RIMS1: variants seen among roughly 807,000 people sequenced by gnomAD.
RIMS1 encodes regulating synaptic membrane exocytosis 1, also known as regulating synaptic membrane exocytosis protein 1.
RIMS1 carries 83 observed loss-of-function variants against 214.1 expected under a neutral mutation model. The ratio of observed to expected loss-of-function variants is 0.39; its 90% confidence interval spans 0.32 to 0.47. The LOEUF is 0.47. RIMS1 is among the 20% of genes least tolerant of loss of function. RIMS1 has a pLI of 0.99. For synonymous variants in RIMS1, 793 were observed against 786.8 expected, an observed-to-expected ratio of 1.01 and a Z score of -0.13; for missense variants, 2,050 against 2,161.8, an observed-to-expected ratio of 0.95 and a Z score of 1.03.
intron 8 of RIMS1, among the ~76,000 whole-genome samples, chr6:72,236,247 GA>G (rs2154094433): frequency 6.6e-6 from 1 of 152,092 alleles, no homozygotes; most frequent in East Asian, 1.9e-4. Context: ...CTTAAACATA[GA>G]TTTTAAAATA....
intron 1 of RIMS1, among the ~76,000 whole-genome samples, chr6:71,932,292 C>A (rs201055126): frequency 1.3e-4 from 20 of 151,992 alleles, no homozygotes; most frequent in South Asian, 6.2e-4. Context: ...TACCATGCAG[C>A]CATAAAAAAG....
intron 1 of RIMS1, among the ~76,000 whole-genome samples, chr6:71,888,117 G>A (rs1768406640): frequency 6.6e-6 from 1 of 152,216 alleles, no homozygotes; most frequent in Non-Finnish European, 1.5e-5. Flanking sequence ...TGGTGCAGGA[G>A]TGTGTGACAC....
chr6:72,340,267 G>T (rs1198172076), intron 29 of RIMS1, among the ~76,000 whole-genome samples: 1 of 151,852 alleles, frequency 6.6e-6, no homozygotes, highest in African/African-American at 2.4e-5. Context: ...TTCTTTTGCT[G>T]TGCAGAAGCT....
At position 72,182,775 on chromosome 6, in the gene RIMS1, A is replaced by G. The variant is rs748019898; in HGVS notation, c.1304A>G (p.Glu435Gly). The G allele has an allele frequency of 2.6e-6, 4 of 1,545,256 alleles. No individual in the cohort carries two copies. Among genetic ancestry groups the G allele is most frequent in the East Asian group, 2.4e-5 (1 of 41,078 alleles). The change falls in exon 6 of 34, where the codon GAG (glutamate) becomes GGG (glycine). Residue 435 changes from glutamate (E) to glycine (G), a missense_variant. Physicochemically the swap from Glu to Gly is moderately conservative, Grantham distance 98. Transcript: ENST00000521978. Reference sequence around the variant, plus strand: ...GCTTACTCGGCTGAGAGAACTGCGGAGACCAGGGCGCCGGGCGCCAAGCAG... The same window carrying G: ...GCTTACTCGGCTGAGAGAACTGCGGGGACCAGGGCGCCGGGCGCCAAGCAG... ...PRAYSAERTA[E>G]TRAPGAKQLT...
chr6:72,138,506 T>C (rs2041661452), intron 4 of RIMS1, among the ~76,000 whole-genome samples: 1 of 152,182 alleles, frequency 6.6e-6, no homozygotes, highest in African/African-American at 2.4e-5. Context: ...ATTTTATATA[T>C]GTGTAAAAAT....
chr6:72,290,664 G>T lies in RIMS1; in HGVS notation c.3555-15G>T. 6.2e-7 allele frequency: 1 copy of T among 1,605,836 alleles called. No individual in the cohort carries two copies. Among genetic ancestry groups the T allele is most frequent in the Non-Finnish European group, 8.5e-7 (1 of 1,175,912 alleles). ...ACCTGCTGACTGAAGATCTTTTTTG[G>T]CCCTAATGTTTTAGGGTTCTCCCAA... On this transcript the variant is annotated splice_polypyrimidine_tract_variant and intron_variant, in intron 24 of 33. Coordinates refer to ENST00000521978, the MANE Select transcript of RIMS1 (RefSeq NM_014989.7).
rs115905709 is a variant in RIMS1 at position 72,328,713 on chromosome 6, G to A, written c.4131-4887G>A. Among the ~76,000 whole-genome samples, 1,022 of 151,678 alleles carry A rather than the reference G, an allele frequency of 6.7e-3. 9 individuals carry two copies. The highest frequency in any genetic ancestry group is 0.022 in the African/African-American group (905 of 41,434). On this transcript the variant is annotated intron_variant, in intron 28 of 33. Coordinates refer to ENST00000521978, the MANE Select transcript of RIMS1 (RefSeq NM_014989.7). ...ACACAGCTATAGGGTTAAAATTAAC[G>A]TAGTAATCTAAGCCTATATTTTAAA...
intron 2 of RIMS1, among the ~76,000 whole-genome samples, chr6:71,978,619 C>A (rs905010043): frequency 3.9e-5 from 6 of 151,996 alleles, no homozygotes; most frequent in Non-Finnish European, 7.4e-5. Flanking sequence ...ATCTTTTAGT[C>A]ATATATTTTA....
At position 72,292,009 on chromosome 6, in the gene RIMS1, C is replaced by A. The variant is rs1474107658; in HGVS notation, c.3813C>A (p.Leu1271=). The A allele has an allele frequency of 4.5e-6, 7 of 1,560,432 alleles. No homozygotes were observed. The highest frequency in any genetic ancestry group is 6.1e-6 in the Non-Finnish European group (7 of 1,152,260). Residue 1271 remains leucine, a synonymous_variant, in exon 26 of 34, where the codon CTC becomes CTA. Coordinates refer to ENST00000521978, the MANE Select transcript of RIMS1 (RefSeq NM_014989.7). ...TSFSSRRGRQ[L]PQVPVRSGSI... Reference sequence around the variant, plus strand: ...TCAGCAGTCGCAGGGGAAGACAGCTCCCACAAGTGCCAGTGAGAAGCGGCA... The same window carrying A: ...TCAGCAGTCGCAGGGGAAGACAGCTACCACAAGTGCCAGTGAGAAGCGGCA...
rs1056510492 is a variant in RIMS1, at chr6:72,182,736, C to T, written c.1265C>T (p.Pro422Leu). 8 of 1,538,588 alleles carry T rather than the reference C, an allele frequency of 5.2e-6. No individual in the cohort carries two copies. In the African/African-American group the frequency reaches 5.5e-5, roughly 11 times the overall value. Reference sequence around the variant, plus strand: ...CCGGCGGCAGCCAGGGCCTCGCCGCCGGACTCGCCGCGGGCTTACTCGGCT... The same window carrying T: ...CCGGCGGCAGCCAGGGCCTCGCCGCTGGACTCGCCGCGGGCTTACTCGGCT... ...RAPAAARASP[P>L]DSPRAYSAER... is the part of the protein sequence containing the mutation. The change falls in exon 6 of 34, where the codon CCG becomes CTG. Residue 422 changes from proline to leucine, a missense_variant. Physicochemically the swap from Pro to Leu is moderately conservative, Grantham distance 98. Transcript: ENST00000521978.
At chr6:72,101,068 A>G (rs2033450506) in intron 4 of RIMS1, among the ~76,000 whole-genome samples, 1 of 151,994 alleles carries the variant, frequency 6.6e-6, no homozygotes, top group Non-Finnish European at 1.5e-5. Flanking sequence ...TTCACAGTTG[A>G]AACGTGGGTA....
chr6:72,357,710 C>T (rs1338161727), intron 29 of RIMS1, among the ~76,000 whole-genome samples: 1 of 152,140 alleles, frequency 6.6e-6, no homozygotes, highest in African/African-American at 2.4e-5. Context: ...TCCTTCTTTA[C>T]TTGATTTTTA....
chr6:71,969,002 G>C lies in RIMS1; in HGVS notation c.184G>C (p.Ala62Pro). 1 of 1,613,996 alleles carries C rather than the reference G, an allele frequency of 6.2e-7. No homozygotes were observed. Among genetic ancestry groups the C allele is most frequent in the Non-Finnish European group, 8.5e-7 (1 of 1,179,872 alleles). ...CCCCAGGTGTGTTGTCAGGGACATG[G>C]CGAAGCCTGCTGCCTGCAAAACACC... ...AMLKCVVRDM[A>P]KPAACKTPRN... Residue 62 changes from alanine to proline, a missense_variant, in exon 2 of 34, where the codon GCG becomes CCG. Ala to Pro is a conservative substitution (Grantham distance 27). Around this residue, in one of 6 missense-constraint regions of RIMS1, gnomAD observed 882 missense variants for 828.9 expected, o/e 1.06. Coordinates refer to ENST00000521978, the MANE Select transcript of RIMS1 (RefSeq NM_014989.7).
chr6:72,092,744 T>G (rs568088468), intron 2 of RIMS1, among the ~76,000 whole-genome samples: 1 of 152,076 alleles, frequency 6.6e-6, no homozygotes, highest in Non-Finnish European at 1.5e-5. Flanking sequence ...CCCAGGCCAC[T>G]TAGGTATGTC....
At chr6:72,315,773 G>A (rs1044795571) in intron 28 of RIMS1, among the ~76,000 whole-genome samples, 1 of 152,004 alleles carries the variant, frequency 6.6e-6, no homozygotes, top group African/African-American at 2.4e-5. Context: ...AAACCTGAGA[G>A]GTGATAGTTT....
chr6:72,299,003 C>A (rs1484988693), intron 26 of RIMS1, among the ~76,000 whole-genome samples: 2 of 151,898 alleles, frequency 1.3e-5, no homozygotes, highest in African/African-American at 4.8e-5. Context: ...TCATTTTAGT[C>A]TTCACAAACT....
intron 16 of RIMS1, among the ~76,000 whole-genome samples, chr6:72,255,222 C>T (rs2075285209): frequency 6.6e-6 from 1 of 152,134 alleles, no homozygotes; most frequent in Non-Finnish European, 1.5e-5. Flanking sequence ...GATAAGTTAG[C>T]ACAGTGCATT....
chr6:72,168,475 A>C (rs2496491), intron 4 of RIMS1, among the ~76,000 whole-genome samples: 148,888 of 152,256 alleles, frequency 0.98, 72,875 homozygotes, highest in East Asian at 1. Context: ...CCTGATTATT[A>C]GTTTGGGGTG....
At chr6:72,221,371 A>G (rs1400912305) in intron 6 of RIMS1, among the ~76,000 whole-genome samples, 1 of 151,696 alleles carries the variant, frequency 6.6e-6, no homozygotes, top group Non-Finnish European at 1.5e-5. Flanking sequence ...TGAGAAACAA[A>G]TAGAACCATA....
Sources: gnomAD v4.1 joint callset for allele counts (sites outside exome capture counted in the v4.1 genomes callset) on GRCh38, gnomAD v4.1.1 for gene constraint, gnomAD v4.1.1 regional missense constraint, MANE v1.5 for transcripts, NCBI Gene and HGNC (gene_info 2026-07-23, HGNC 2026-07-21) for gene names.